The following TRAPPC9 variants were observed in gnomAD, a reference collection of about 807,000 sequenced individuals.
The protein encoded by TRAPPC9 is trafficking protein particle complex subunit 9, also known as IKK2 binding protein.
A neutral mutation model predicts 124.0 loss-of-function variants in TRAPPC9; 83 were observed. That is an observed-to-expected ratio of 0.67 (90% CI 0.56 to 0.80). TRAPPC9 has a LOEUF of 0.80. Ranked by LOEUF, TRAPPC9 falls within the 30% of genes least tolerant of loss-of-function variation. TRAPPC9 has a pLI of 0.00. For synonymous variants in TRAPPC9, 638 were observed against 617.5 expected (o/e 1.03, Z -0.49); for missense variants, 1,302 against 1,508.3 (o/e 0.86, Z 2.27).
chr8:140,018,541 A>G lies in TRAPPC9; in HGVS notation c.2699+5396T>C, dbSNP rs192063610. Reference sequence around the variant, plus strand: ...ATGGGGTTTCACCGTGTTAGCCAGGATGGTCTCGATCTCCTGACCTTGTGA... The same window carrying G: ...ATGGGGTTTCACCGTGTTAGCCAGGGTGGTCTCGATCTCCTGACCTTGTGA... On this transcript the variant is annotated intron_variant, in intron 18 of 22. Transcript: ENST00000438773. Among the ~76,000 whole-genome samples the G allele has an allele frequency of 2.9e-3, 444 of 150,572 alleles. 2 individuals are homozygous for G. Among genetic ancestry groups the G allele is most frequent in the Non-Finnish European group, 5.2e-3 (354 of 67,498 alleles).
At chr8:140,284,317 C>A (rs1367944637) in intron 13 of TRAPPC9, among the ~76,000 whole-genome samples, 1 of 152,236 alleles carries the variant, frequency 6.6e-6, no homozygotes, top group Non-Finnish European at 1.5e-5. Flanking sequence ...ACTTAATAAT[C>A]AGTATCTCAT....
chr8:140,449,519 G>A (rs1355154994), intron 2 of TRAPPC9, among the ~76,000 whole-genome samples: 1 of 152,238 alleles, frequency 6.6e-6, no homozygotes, highest in Non-Finnish European at 1.5e-5. Context: ...ATTTTGATTT[G>A]AAATAAAGTT....
At chr8:140,302,213 G>A (rs1165763683) in intron 10 of TRAPPC9, among the ~76,000 whole-genome samples, 1 of 152,150 alleles carries the variant, frequency 6.6e-6, no homozygotes, top group Admixed American at 6.5e-5. Context: ...CACATGCGTG[G>A]TTCTCACCCA....
intron 21 of TRAPPC9, among the ~76,000 whole-genome samples, chr8:139,864,332 G>C (rs1466959280): frequency 6.6e-6 from 1 of 152,150 alleles, no homozygotes; most frequent in East Asian, 1.9e-4. Context: ...GCAAAATTCG[G>C]GGATATAAAA....
intron 16 of TRAPPC9, among the ~76,000 whole-genome samples, chr8:140,245,598 C>G (rs1199480841): frequency 6.6e-6 from 1 of 152,192 alleles, no homozygotes; most frequent in Non-Finnish European, 1.5e-5. Context: ...TCACCATCAT[C>G]TATCTCCAGA....
intron 17 of TRAPPC9, among the ~76,000 whole-genome samples, chr8:140,158,800 C>T (rs1283729449): frequency 6.6e-6 from 1 of 152,156 alleles, no homozygotes; most frequent in Non-Finnish European, 1.5e-5. Context: ...TCTTGAGCAT[C>T]TACTATATGC....
At chr8:140,435,905 A>G (rs1311015142) in intron 3 of TRAPPC9, among the ~76,000 whole-genome samples, 2 of 152,218 alleles carry the variant, frequency 1.3e-5, no homozygotes, top group African/African-American at 4.8e-5. Flanking sequence ...AGTGCTCCTT[A>G]AACTTTTGGT....
intron 17 of TRAPPC9, among the ~76,000 whole-genome samples, chr8:140,081,462 C>T (rs1843817373): frequency 6.6e-6 from 1 of 151,336 alleles, no homozygotes. Flanking sequence ...TCTCGTACCT[C>T]AGCCTCCTAA....
chr8:140,146,423 A>C (rs2061463028), intron 17 of TRAPPC9, among the ~76,000 whole-genome samples: 1 of 152,114 alleles, frequency 6.6e-6, no homozygotes, highest in African/African-American at 2.4e-5. Context: ...TAAATCCCAC[A>C]CTCAACCTTG....
chr8:140,067,244 AG>A (rs1483036305), intron 17 of TRAPPC9, among the ~76,000 whole-genome samples: 3 of 152,276 alleles, frequency 2.0e-5, no homozygotes, highest in African/African-American at 7.2e-5. Context: ...CCCGGGTTCA[AG>A]TGATTCTCCC....
intron 7 of TRAPPC9, among the ~76,000 whole-genome samples, chr8:140,390,469 G>T (rs1348516832): frequency 6.6e-6 from 1 of 152,170 alleles, no homozygotes; most frequent in Non-Finnish European, 1.5e-5. Flanking sequence ...CCACAGCACG[G>T]ATATGGGGCT....
At chr8:140,161,036 C>G (rs147270000) in intron 17 of TRAPPC9, among the ~76,000 whole-genome samples, 1 of 152,130 alleles carries the variant, frequency 6.6e-6, no homozygotes, top group East Asian at 1.9e-4. Context: ...GAAGTTGAGG[C>G]TTGGAGGAGT....
intron 17 of TRAPPC9, among the ~76,000 whole-genome samples, chr8:140,140,688 G>A (rs763478931): frequency 7.2e-5 from 11 of 152,010 alleles, no homozygotes; most frequent in African/African-American, 1.5e-4. Context: ...AGCTATCTTC[G>A]TAAAGCAAAG....
At chr8:139,756,727 G>A (rs1373841367) in intron 21 of TRAPPC9, among the ~76,000 whole-genome samples, 13 of 125,878 alleles carry the variant, frequency 1.0e-4, no homozygotes, top group East Asian at 5.3e-4. Context: ...ACAGCAGGTC[G>A]CAGGAGGAGC....
intron 21 of TRAPPC9, among the ~76,000 whole-genome samples, chr8:139,874,919 A>C (rs1829225373): frequency 6.6e-6 from 1 of 152,114 alleles, no homozygotes. Flanking sequence ...CCAGTCACAA[A>C]GCCTCTCCAC....
At chr8:139,917,450 G>A (rs1295089020) in intron 19 of TRAPPC9, among the ~76,000 whole-genome samples, 2 of 152,100 alleles carry the variant, frequency 1.3e-5, no homozygotes, top group African/African-American at 2.4e-5. Flanking sequence ...AAAGTGCTGG[G>A]ATTACAGGCT....
chr8:140,161,414 AT>A (rs11389261), intron 17 of TRAPPC9, among the ~76,000 whole-genome samples: 8 of 150,094 alleles, frequency 5.3e-5, no homozygotes, highest in African/African-American at 1.2e-4. Context: ...AACATCTCCA[AT>A]TTTTTTTTTT....
chr8:139,801,506 C>T (rs1385054471), intron 21 of TRAPPC9, among the ~76,000 whole-genome samples: 1 of 152,162 alleles, frequency 6.6e-6, no homozygotes, highest in Non-Finnish European at 1.5e-5. Context: ...GAGCTCCTGC[C>T]CCGCCCCCCT....
chr8:139,915,714 A>T (rs1304566676), intron 19 of TRAPPC9, among the ~76,000 whole-genome samples: 5 of 152,186 alleles, frequency 3.3e-5, no homozygotes, highest in Non-Finnish European at 1.5e-5. Flanking sequence ...TCTTCCCTGA[A>T]TGGGCAGAGG....
Sources: allele counts gnomAD v4.1 joint callset (sites outside exome capture counted in the v4.1 genomes callset), GRCh38; gene constraint gnomAD v4.1.1; transcripts MANE v1.5; gene names NCBI Gene and HGNC (gene_info 2026-07-23, HGNC 2026-07-21).